Variants in EYS observed in about 807,000 individuals in gnomAD.
EYS encodes protein eyes shut homolog.
Under a neutral mutation model 282.1 loss-of-function variants are expected in EYS, and 250 were observed. The ratio of observed to expected loss-of-function variants is 0.89; its 90% confidence interval spans 0.80 to 0.98. The LOEUF (loss-of-function observed/expected upper bound fraction) is 0.98, where lower values mean the gene tolerates loss of function less well. EYS is among the 50% of genes least tolerant of loss of function. The pLI is 0.00. For synonymous variants in EYS, 1,355 were observed against 1,282.9 expected (o/e 1.06, Z -1.20); for missense variants, 4,016 against 3,709.0 (o/e 1.08, Z -2.15).
At chr6:65,513,515 G>A (rs1283887457) in intron 2 of EYS, among the ~76,000 whole-genome samples, 6 of 152,066 alleles carry the variant, frequency 3.9e-5, no homozygotes, top group African/African-American at 1.4e-4. Context: ...CAATATCCTT[G>A]ATGAACATTG....
At chr6:64,269,121 A>G (rs1242882270) in intron 30 of EYS, among the ~76,000 whole-genome samples, 1 of 152,138 alleles carries the variant, frequency 6.6e-6, no homozygotes, top group Non-Finnish European at 1.5e-5. Flanking sequence ...ATCATTGTCT[A>G]CCAACTAGGC....
intron 22 of EYS, among the ~76,000 whole-genome samples, chr6:64,716,565 A>T (rs111499967): frequency 0.037 from 5,635 of 152,290 alleles, 182 homozygotes; most frequent in Middle Eastern, 0.082. Context: ...AAAGAGGAAG[A>T]CGTTGCCACC....
rs572273074 is a variant in EYS at position 65,526,954 on chromosome 6, G to A, written c.-332-30961C>T. Among the ~76,000 whole-genome samples the A allele has an allele frequency of 3.9e-5, 6 of 152,278 alleles. No individual in the cohort carries two copies. In the South Asian group the frequency reaches 8.3e-4, roughly 21 times the overall value. The stretch of plus-strand genomic sequence containing the variant: ...TATATTTTATAAAGCTATAGGAATC[G>A]GTGTTGGAACAGGAGTGTGTGGAGT... On this transcript the variant is annotated intron_variant, in intron 2 of 42. Transcript: ENST00000503581.
chr6:64,399,122 A>T (rs1773469383), intron 28 of EYS, among the ~76,000 whole-genome samples: 2 of 151,842 alleles, frequency 1.3e-5, no homozygotes, highest in Non-Finnish European at 3.0e-5. Context: ...ACACTTTGCT[A>T]ATGAACTCAT....
intron 14 of EYS, among the ~76,000 whole-genome samples, chr6:64,953,423 G>A (rs1361979289): frequency 6.6e-6 from 1 of 151,590 alleles, no homozygotes; most frequent in African/African-American, 2.4e-5. Context: ...TAAAAATAAA[G>A]GGCTCTCCCT....
intron 11 of EYS, chr6:65,332,562 C>G (rs1769835225): frequency 1.6e-6 from 1 of 630,280 alleles, no homozygotes; most frequent in African/African-American, 1.9e-5. Flanking sequence ...GTTTATAGTG[C>G]TATATAGAGG....
intron 13 of EYS, among the ~76,000 whole-genome samples, chr6:65,023,536 C>A (rs1186601551): frequency 2.0e-5 from 3 of 151,980 alleles, no homozygotes; most frequent in African/African-American, 7.3e-5. Context: ...ATATGTTAAT[C>A]CAAAATAAGA....
intron 2 of EYS, among the ~76,000 whole-genome samples, chr6:65,528,307 C>T (rs1689802045): frequency 6.6e-6 from 1 of 152,076 alleles, no homozygotes; most frequent in African/African-American, 2.4e-5. Flanking sequence ...CTACAATCTA[C>T]CAACTAGGTT....
chr6:64,908,782 T>G (rs1767906472), intron 16 of EYS, among the ~76,000 whole-genome samples: 1 of 151,782 alleles, frequency 6.6e-6, no homozygotes, highest in South Asian at 2.1e-4. Context: ...GGTTTGTGAG[T>G]GTGCAAAAGT....
chr6:65,474,864 G>T (rs553937676), intron 5 of EYS, among the ~76,000 whole-genome samples: 3 of 152,140 alleles, frequency 2.0e-5, no homozygotes, highest in Non-Finnish European at 2.9e-5. Context: ...AGTGCTCAAA[G>T]AACTGGAAGT....
rs1582995567 is a variant in EYS at position 64,649,024 on chromosome 6, C to T, written c.3444-22779G>A. ...TGTGTGTGTATGTGTATACTTTGCA[C>T]TACCTTATATATACAGAAAGAAAGG... On this transcript the variant is annotated intron_variant, in intron 22 of 42. Transcript: ENST00000503581. 2.0e-5 allele frequency among the ~76,000 whole-genome samples: 3 copies of T among 152,040 alleles called. No individual in the cohort carries two copies. The South Asian group carries it at 6.2e-4, about 32-fold the overall frequency.
intron 15 of EYS, among the ~76,000 whole-genome samples, chr6:64,931,665 GAT>G (rs1446683275): frequency 5.9e-5 from 9 of 152,110 alleles, no homozygotes; most frequent in African/African-American, 2.2e-4. Flanking sequence ...AAAAACTAAT[GAT>G]ATTTACAGTG....
chr6:64,963,639 G>A (rs142180044), intron 14 of EYS, among the ~76,000 whole-genome samples: 215 of 152,268 alleles, frequency 1.4e-3, no homozygotes, highest in African/African-American at 5.0e-3. Flanking sequence ...AATTAGTGAG[G>A]AAGGAAGCAA....
At chr6:64,271,798 A>G (rs1180265013) in intron 30 of EYS, among the ~76,000 whole-genome samples, 1 of 151,746 alleles carries the variant, frequency 6.6e-6, no homozygotes, top group East Asian at 1.9e-4. Context: ...TTCTGTTTCT[A>G]TTCCTGTGCT....
At chr6:64,479,330 T>A (rs1009129373) in intron 26 of EYS, among the ~76,000 whole-genome samples, 1 of 151,988 alleles carries the variant, frequency 6.6e-6, no homozygotes, top group Admixed American at 6.6e-5. Context: ...TACGTCACTT[T>A]ACTGCTCCAT....
chr6:63,995,286 C>T (rs1582098233), intron 34 of EYS, among the ~76,000 whole-genome samples: 3 of 151,944 alleles, frequency 2.0e-5, no homozygotes, highest in Non-Finnish European at 4.4e-5. Flanking sequence ...AAATGGCCAA[C>T]AGGTATGTGA....
chr6:63,908,033 CGTTTGTGTGTGT>C (rs149960816), intron 35 of EYS, among the ~76,000 whole-genome samples: 42,266 of 110,316 alleles, frequency 0.38, 6,580 homozygotes, highest in African/African-American at 0.46. Flanking sequence ...TATATATATA[CGTTTGTGTGTGT>C]GTGTGTGTGT....
intron 2 of EYS, among the ~76,000 whole-genome samples, chr6:65,583,635 T>G (rs576052069): frequency 2.8e-3 from 423 of 152,248 alleles, no homozygotes; most frequent in Middle Eastern, 0.01. Context: ...AAGCTTCAAC[T>G]GCTAACAAAT....
At chr6:65,239,246 C>T (rs559419726) in intron 12 of EYS, among the ~76,000 whole-genome samples, 4 of 152,046 alleles carry the variant, frequency 2.6e-5, no homozygotes, top group Non-Finnish European at 4.4e-5. Context: ...GTAAAAATAA[C>T]AATTACCACA....
Sources: allele counts gnomAD v4.1 joint callset (sites outside exome capture counted in the v4.1 genomes callset), GRCh38; gene constraint gnomAD v4.1.1; transcripts MANE v1.5; gene names NCBI Gene and HGNC (gene_info 2026-07-23, HGNC 2026-07-21).